EYS: variants seen among roughly 807,000 people sequenced by gnomAD.
EYS encodes protein eyes shut homolog.
EYS carries 250 observed loss-of-function variants against 282.1 expected under a neutral mutation model. The observed-to-expected ratio is 0.89, with a 90% CI of 0.80 to 0.98. The LOEUF is 0.98. Ranked by LOEUF, EYS falls within the 50% of genes least tolerant of loss-of-function variation. The pLI, the probability that EYS is intolerant of heterozygous loss-of-function variation, is 0.00. For missense variants in EYS, 4,016 were observed against 3,709.0 expected, an observed-to-expected ratio of 1.08 and a Z score of -2.15; for synonymous variants, 1,355 against 1,282.9, an observed-to-expected ratio of 1.06 and a Z score of -1.20.
intron 35 of EYS, among the ~76,000 whole-genome samples, chr6:63,944,877 T>C (rs1765349454): frequency 6.6e-6 from 1 of 152,054 alleles, no homozygotes; most frequent in African/African-American, 2.4e-5. Flanking sequence ...GAGGTTGCAG[T>C]GAGCCAAGAT....
chr6:64,571,412 G>T (rs1171975478), intron 26 of EYS, among the ~76,000 whole-genome samples: 1 of 151,994 alleles, frequency 6.6e-6, no homozygotes, highest in African/African-American at 2.4e-5. Flanking sequence ...CAGAAGACAA[G>T]AAATAACTAA....
At chr6:64,713,931 A>G (rs1161042425) in intron 22 of EYS, among the ~76,000 whole-genome samples, 4 of 152,218 alleles carry the variant, frequency 2.6e-5, no homozygotes, top group African/African-American at 9.6e-5. Flanking sequence ...TGAAGGCATT[A>G]TGTTCCAATA....
intron 12 of EYS, among the ~76,000 whole-genome samples, chr6:65,234,080 C>A (rs1370778445): frequency 6.7e-6 from 1 of 149,862 alleles, no homozygotes; most frequent in Non-Finnish European, 1.5e-5. Flanking sequence ...TTAGTCACTG[C>A]CCACCAAGAT....
intron 26 of EYS, among the ~76,000 whole-genome samples, chr6:64,576,952 G>A (rs1765899993): frequency 6.6e-6 from 1 of 152,074 alleles, no homozygotes; most frequent in Non-Finnish European, 1.5e-5. Context: ...GATTGAGACT[G>A]AATCCATTAT....
rs576289313 is a variant in EYS at position 65,329,709 on chromosome 6, C to A, written c.1766+5271G>T. Reference sequence around the variant, plus strand: ...GTTAATAAAATCACGGACATCACGGCAGAAATTACAATAGTCTTAGAATAA... The same window carrying A: ...GTTAATAAAATCACGGACATCACGGAAGAAATTACAATAGTCTTAGAATAA... On this transcript the variant is annotated intron_variant, in intron 11 of 42. Coordinates refer to ENST00000503581, the MANE Select transcript of EYS (RefSeq NM_001142800.2). 2.0e-4 allele frequency: 191 copies of A among 975,774 alleles called. 1 individual carries two copies. In the African/African-American group the frequency reaches 3.2e-3, roughly 16 times the overall value. 60.4% of individuals were successfully genotyped at this position (975,774 alleles called of 1,614,324 possible).
chr6:63,731,797 C>T (rs1220763941), intron 41 of EYS, among the ~76,000 whole-genome samples: 1 of 152,104 alleles, frequency 6.6e-6, no homozygotes, highest in East Asian at 1.9e-4. Context: ...GTATTTGATA[C>T]ACACTTTTAG....
chr6:64,847,276 G>C (rs1464007877), intron 19 of EYS, among the ~76,000 whole-genome samples: 2 of 150,954 alleles, frequency 1.3e-5, no homozygotes, highest in Non-Finnish European at 2.9e-5. Context: ...GTATGTATAT[G>C]TATATTATGT....
chr6:65,567,771 T>G (rs994708576), intron 2 of EYS, among the ~76,000 whole-genome samples: 3 of 152,114 alleles, frequency 2.0e-5, no homozygotes, highest in Non-Finnish European at 4.4e-5. Context: ...AACCAGTTTC[T>G]TTTCTAAGCT....
chr6:64,288,483 T>G (rs1352929628), intron 30 of EYS, among the ~76,000 whole-genome samples: 1 of 152,100 alleles, frequency 6.6e-6, no homozygotes. Context: ...GAGCAAATTC[T>G]TTTTCTTTCT....
At chr6:65,026,657 C>T (rs1008164855) in intron 13 of EYS, among the ~76,000 whole-genome samples, 1 of 152,158 alleles carries the variant, frequency 6.6e-6, no homozygotes, top group Non-Finnish European at 1.5e-5. Flanking sequence ...GTGGCTCTCT[C>T]CTGTAATCCC....
intron 19 of EYS, among the ~76,000 whole-genome samples, chr6:64,842,497 A>C (rs1316610610): frequency 1.3e-5 from 2 of 151,978 alleles, no homozygotes; most frequent in Non-Finnish European, 2.9e-5. Flanking sequence ...GGTTGGAACA[A>C]TTTGGAGAGC....
At chr6:65,392,335 C>A (rs964046859) in intron 7 of EYS, among the ~76,000 whole-genome samples, 7 of 151,958 alleles carry the variant, frequency 4.6e-5, no homozygotes, top group Non-Finnish European at 1.0e-4. Context: ...TCTAATTAAA[C>A]TAAAGAGCTT....
chr6:64,360,532 G>T (rs1167438382), intron 29 of EYS, among the ~76,000 whole-genome samples: 2 of 151,730 alleles, frequency 1.3e-5, no homozygotes, highest in Non-Finnish European at 2.9e-5. Flanking sequence ...GAGAGGGAGA[G>T]GTAGTCCTTG....
chr6:64,861,492 G>A (rs1766236479), intron 19 of EYS, among the ~76,000 whole-genome samples: 2 of 152,152 alleles, frequency 1.3e-5, no homozygotes, highest in Non-Finnish European at 2.9e-5. Flanking sequence ...GTGTACCTGG[G>A]AAGGTGTGGC....
chr6:65,293,038 A>G (rs2150284343), intron 12 of EYS, among the ~76,000 whole-genome samples: 1 of 151,832 alleles, frequency 6.6e-6, no homozygotes, highest in Admixed American at 6.6e-5. Context: ...CTCAAACAGG[A>G]AACGGCTGGG....
Position 65,196,654 on chromosome 6 carries a change from A to G in EYS, c.2023+99209T>C, listed in dbSNP as rs115507448. Among the ~76,000 whole-genome samples the G allele has an allele frequency of 4.4e-3, 677 of 152,208 alleles. 4 individuals are homozygous for G. Among genetic ancestry groups the G allele is most frequent in the Middle Eastern group, 0.024 (7 of 294 alleles). On this transcript the variant is annotated intron_variant, in intron 12 of 42. Coordinates refer to ENST00000503581, the MANE Select transcript of EYS (RefSeq NM_001142800.2). The stretch of plus-strand genomic sequence containing the variant: ...AGAGAGACAGAAAACACACACATAA[A>G]TGTATTTGATGTGCTGAGAAGTACT...
intron 31 of EYS, among the ~76,000 whole-genome samples, chr6:64,144,128 T>C (rs966328514): frequency 2.6e-5 from 4 of 152,180 alleles, no homozygotes; most frequent in African/African-American, 9.6e-5. Flanking sequence ...GGGTTTGCTA[T>C]GGACGCAGCT....
rs1008816528 is a variant in EYS, at chr6:64,074,059, GTTT to G, written c.6572-7571_6572-7569del. 3.4e-4 allele frequency among the ~76,000 whole-genome samples: 51 copies of G among 151,634 alleles called. 1 individual carries two copies. The highest frequency in any genetic ancestry group is 1.6e-4 in the Non-Finnish European group (11 of 67,768). ...TTTAGGCTTTTAGGCTTTGTAGTAA[GTTT>G]TAAAATGAATCATTTATTGATTTTT... On this transcript the variant is annotated intron_variant, in intron 32 of 42. Coordinates refer to ENST00000503581, the MANE Select transcript of EYS (RefSeq NM_001142800.2).
chr6:64,899,515 A>G (rs1468356357), intron 18 of EYS, among the ~76,000 whole-genome samples: 2 of 152,180 alleles, frequency 1.3e-5, no homozygotes, highest in African/African-American at 4.8e-5. Context: ...ACTTCAGCAA[A>G]ATCTCAGGAT....
Sources: allele counts gnomAD v4.1 joint callset (sites outside exome capture counted in the v4.1 genomes callset), GRCh38; gene constraint gnomAD v4.1.1; transcripts MANE v1.5; gene names NCBI Gene and HGNC (gene_info 2026-07-23, HGNC 2026-07-21).